HECW2: variants seen among roughly 807,000 people sequenced by gnomAD.
The protein encoded by HECW2 is HECT, C2 and WW domain containing E3 ubiquitin protein ligase 2, also known as E3 ubiquitin-protein ligase HECW2.
A neutral mutation model predicts 175.2 loss-of-function variants in HECW2; 61 were observed. The ratio of observed to expected loss-of-function variants is 0.35; its 90% confidence interval spans 0.28 to 0.43. The LOEUF is 0.43. Ranked by LOEUF, HECW2 falls within the 20% of genes least tolerant of loss-of-function variation. The pLI, the probability that HECW2 is intolerant of heterozygous loss-of-function variation, is 1.00. For missense variants in HECW2, 1,524 were observed against 2,000.5 expected (o/e 0.76, Z 4.54); for synonymous variants, 671 against 731.0 (o/e 0.92, Z 1.32).
intron 2 of HECW2, among the ~76,000 whole-genome samples, chr2:196,400,196 T>G (rs187564669): frequency 3.3e-5 from 5 of 152,224 alleles, no homozygotes; most frequent in Non-Finnish European, 7.3e-5. Flanking sequence ...AAGCATGTGG[T>G]GCCTTTGCAG....
At position 196,460,776 on chromosome 2, in the gene HECW2, ATTTTTTTTTTTTTTT is replaced by A. The variant is rs201916150; in HGVS notation, c.-35-27333_-35-27319del. On this transcript the variant is annotated intron_variant, in intron 1 of 28. Coordinates refer to ENST00000644978, the MANE Select transcript of HECW2 (RefSeq NM_001348768.2). Reference sequence around the variant, plus strand: ...CAAGCATGCATCACCACACCTGGCAATTTTTTTTTTTTTTTTTTTTTTTTTTTTTGGAGAGATAGG... The same window carrying A: ...CAAGCATGCATCACCACACCTGGCAATTTTTTTTTTTTTTGGAGAGATAGG... 7.3e-3 allele frequency among the ~76,000 whole-genome samples: 848 copies of A among 116,140 alleles called. 11 individuals carry two copies. The highest frequency in any genetic ancestry group is 0.023 in the African/African-American group (794 of 34,398). The allele number at this position is 116,140 out of a possible 152,430, so 76.2% of individuals were successfully genotyped here.
intron 1 of HECW2, among the ~76,000 whole-genome samples, chr2:196,590,191 G>C (rs1194091075): frequency 6.6e-6 from 1 of 152,052 alleles, no homozygotes; most frequent in Admixed American, 6.5e-5. Flanking sequence ...CATGTGAAAG[G>C]GGGTGCTTTT....
intron 14 of HECW2, among the ~76,000 whole-genome samples, chr2:196,279,089 C>A (rs1690089150): frequency 1.3e-5 from 2 of 151,960 alleles, no homozygotes; most frequent in Non-Finnish European, 2.9e-5. Flanking sequence ...CGCTCTGTCA[C>A]CCAGGCTGGA....
intron 19 of HECW2, among the ~76,000 whole-genome samples, chr2:196,244,177 G>T (rs1311002086): frequency 2.0e-5 from 3 of 152,184 alleles, no homozygotes; most frequent in Non-Finnish European, 4.4e-5. Context: ...TGTCCAAAAT[G>T]AGTAAGGTGG....
intron 1 of HECW2, among the ~76,000 whole-genome samples, chr2:196,499,095 A>G (rs74716746): frequency 0.012 from 1,858 of 152,274 alleles, 44 homozygotes; most frequent in African/African-American, 0.043. Flanking sequence ...GGCAAATTTG[A>G]GAAATATCCC....
chr2:196,291,060 T>A (rs140071526), intron 14 of HECW2: 1 of 152,318 alleles, frequency 6.6e-6, no homozygotes, highest in East Asian at 1.9e-4. Flanking sequence ...AACAACCATT[T>A]TGACTACTCA....
intron 1 of HECW2, among the ~76,000 whole-genome samples, chr2:196,444,749 T>G (rs894674118): frequency 2.0e-5 from 3 of 152,190 alleles, no homozygotes; most frequent in Non-Finnish European, 4.4e-5. Context: ...GTAGTGACAT[T>G]AAAGCTCATT....
intron 2 of HECW2, among the ~76,000 whole-genome samples, chr2:196,345,843 A>G (rs1268583513): frequency 6.6e-6 from 1 of 152,222 alleles, no homozygotes; most frequent in Non-Finnish European, 1.5e-5. Flanking sequence ...AAGATACTTT[A>G]ATTAGCAGAG....
At chr2:196,551,350 G>C (rs564769863) in intron 1 of HECW2, among the ~76,000 whole-genome samples, 3 of 152,262 alleles carry the variant, frequency 2.0e-5, no homozygotes, top group South Asian at 4.1e-4. Context: ...GAAATAGTAA[G>C]TAAATACTCT....
At chr2:196,436,245 G>C (rs1173251208) in intron 1 of HECW2, among the ~76,000 whole-genome samples, 10 of 151,740 alleles carry the variant, frequency 6.6e-5, no homozygotes, top group Admixed American at 6.6e-4. Context: ...CTACAAAATA[G>C]AAAAAATTAG....
chr2:196,463,846 A>G (rs1209053544), intron 1 of HECW2, among the ~76,000 whole-genome samples: 1 of 152,198 alleles, frequency 6.6e-6, no homozygotes, highest in African/African-American at 2.4e-5. Context: ...CCCAACTAGC[A>G]ACATTCAATA....
chr2:196,363,756 T>A (rs1175045084), intron 2 of HECW2, among the ~76,000 whole-genome samples: 2 of 152,140 alleles, frequency 1.3e-5, no homozygotes, highest in East Asian at 3.9e-4. Context: ...CCCAGGAGTT[T>A]GAGGCTACAG....
intron 1 of HECW2, among the ~76,000 whole-genome samples, chr2:196,576,166 C>G (rs1690556143): frequency 6.6e-6 from 1 of 151,940 alleles, no homozygotes; most frequent in Admixed American, 6.5e-5. Context: ...TCAGTACAAA[C>G]CTGCTGTACA....
Position 196,267,699 on chromosome 2 carries a change from G to C in HECW2, c.3335+3494C>G, listed in dbSNP as rs79669953. Among the ~76,000 whole-genome samples the C allele has an allele frequency of 7.4e-3, 1,128 of 152,314 alleles. 13 individuals carry two copies. The highest frequency in any genetic ancestry group is 0.025 in the African/African-American group (1,058 of 41,572). On this transcript the variant is annotated intron_variant, in intron 17 of 28. Transcript: ENST00000644978. Reference sequence around the variant, plus strand: ...GAAGACACACCAGTGAAGTCTCAGGGAAGAGAAAACTATACATAGATGCAA... The same window carrying C: ...GAAGACACACCAGTGAAGTCTCAGGCAAGAGAAAACTATACATAGATGCAA...
chr2:196,231,079 C>T (rs573525242), intron 21 of HECW2, among the ~76,000 whole-genome samples: 1 of 105,122 alleles, frequency 9.5e-6, no homozygotes, highest in African/African-American at 3.8e-5. Flanking sequence ...GGCGACAGAG[C>T]AGGACTCCGT....
intron 6 of HECW2, 104 bp from the exon 7 acceptor site, chr2:196,322,724 T>G: frequency 9.8e-7 from 1 of 1,022,520 alleles, no homozygotes; most frequent in Non-Finnish European, 1.4e-6. Flanking sequence ...TCTAACAACA[T>G]ACAGAGTTCC....
intron 2 of HECW2, among the ~76,000 whole-genome samples, chr2:196,407,902 A>C (rs1447942390): frequency 2.6e-5 from 4 of 152,196 alleles, no homozygotes; most frequent in Non-Finnish European, 5.9e-5. Flanking sequence ...TTAACTGAAT[A>C]CTCATATCAG....
intron 2 of HECW2, among the ~76,000 whole-genome samples, chr2:196,360,394 A>G (rs1693545019): frequency 2.0e-5 from 3 of 152,342 alleles, no homozygotes; most frequent in African/African-American, 7.2e-5. Flanking sequence ...TGTATTTTGC[A>G]GGAGCATGGA....
In HECW2 at chr2:196,336,722, C is replaced by T. The variant is rs1692563051; in HGVS notation, c.401-2204G>A. Among the ~76,000 whole-genome samples the T allele has an allele frequency of 2.0e-5, 3 of 152,236 alleles. No individual in the cohort carries two copies. The South Asian group carries it at 6.2e-4, about 32-fold the overall frequency. ...GCTAGCTGACCCATTTTGGGTGTTACTTTATTCCTTGCTATAACAAAAATC... is the reference window on the plus strand; with the variant it reads ...GCTAGCTGACCCATTTTGGGTGTTATTTTATTCCTTGCTATAACAAAAATC... On this transcript the variant is annotated intron_variant, in intron 3 of 28. Coordinates refer to ENST00000644978, the MANE Select transcript of HECW2 (RefSeq NM_001348768.2).
Sources: gnomAD v4.1 joint callset for allele counts (sites outside exome capture counted in the v4.1 genomes callset) on GRCh38, gnomAD v4.1.1 for gene constraint, MANE v1.5 for transcripts, NCBI Gene and HGNC (gene_info 2026-07-23, HGNC 2026-07-21) for gene names.